ERI2: variants seen among roughly 807,000 people sequenced by gnomAD.
The protein encoded by ERI2 is ERI1 exoribonuclease family member 2.
A neutral mutation model predicts 46.8 loss-of-function variants in ERI2; 35 were observed. The ratio of observed to expected loss-of-function variants is 0.75; its 90% CI spans 0.57 to 0.99. The LOEUF (loss-of-function observed/expected upper bound fraction) is 0.99, where lower values mean the gene tolerates loss of function less well. Among genes scored for constraint, ERI2 ranks in the 50% least tolerant of loss-of-function variants. ERI2 has a pLI of 0.00. For synonymous variants in ERI2, 224 were observed against 271.0 expected (o/e 0.83, Z 1.70); for missense variants, 695 against 796.2 (o/e 0.87, Z 1.53).
intron 1 of ERI2, among the ~76,000 whole-genome samples, chr16:20,805,210 G>A (rs541342731): frequency 2.0e-5 from 3 of 152,238 alleles, no homozygotes; most frequent in East Asian, 3.9e-4. Flanking sequence ...TGGATCACCT[G>A]AGGTCGGGAG....
chr16:20,791,356 ATTTAC>A (rs1396339774), downstream of ERI2, among the ~76,000 whole-genome samples: 1 of 152,170 alleles, frequency 6.6e-6, no homozygotes, highest in African/African-American at 2.4e-5. Flanking sequence ...ACTCTTGAGT[ATTTAC>A]TTCTCTCTTT....
chr16:20,786,481 G>A (rs1397599747), intron 10 of ERI2, among the ~76,000 whole-genome samples: 1 of 152,202 alleles, frequency 6.6e-6, no homozygotes, highest in Non-Finnish European at 1.5e-5. Flanking sequence ...AGGAGTTCAA[G>A]ACCAGCCTGG....
At chr16:20,792,168 C>A (rs1158596406), downstream of ERI2, 2 of 1,613,928 alleles carry the variant, frequency 1.2e-6, no homozygotes, top group Admixed American at 1.7e-5. Context: ...TCTGTGTTAA[C>A]TGATCATCAG....
Position 20,798,913 on chromosome 16 carries a change from T to C in ERI2, c.887A>G (p.Lys296Arg). ...TATAGGAGAATTTGCACAAATTGAC[T>C]TCATTTGAACTTTTTCATGAGGATT... Reference protein sequence around the residue: ...IINPHEKVQMKSICANSPIKA... With the variant: ...IINPHEKVQMRSICANSPIKA... Residue 296 changes from lysine to arginine, a missense_variant, in exon 9 of 9, where the codon AAG becomes AGG. Coordinates refer to ENST00000357967, the MANE Select transcript of ERI2 (RefSeq NM_001142725.2). 5 of 1,551,142 alleles carry C rather than the reference T, an allele frequency of 3.2e-6. No homozygotes were observed. The highest frequency in any genetic ancestry group is 4.4e-6 in the Non-Finnish European group (5 of 1,146,802).
intron 5 of ERI2, chr16:20,800,731 A>C (rs1218743957): frequency 5.1e-6 from 1 of 196,832 alleles, no homozygotes; most frequent in Non-Finnish European, 1.0e-5. Context: ...TAGTAACTGG[A>C]AACCAAATAT....
intron 10 of ERI2, chr16:20,784,863 T>C (rs2080436185): frequency 2.8e-6 from 3 of 1,062,454 alleles, no homozygotes; most frequent in Admixed American, 5.6e-5. Flanking sequence ...TGTTTTGTGC[T>C]AGGGAGAGGA....
At chr16:20,792,550 A>T, downstream of ERI2, 3 of 985,446 alleles carry the variant, frequency 3.0e-6, no homozygotes, top group Non-Finnish European at 3.6e-6. Flanking sequence ...AAGGCTGAAA[A>T]TACGTACTAG....
chr16:20,802,916 A>G lies in ERI2; in HGVS notation c.183T>C (p.Phe61=). The G allele has an allele frequency of 6.3e-7, 1 of 1,583,050 alleles. No homozygotes were observed. The change falls in exon 4 of 9, where the codon TTT becomes TTC. Residue 61 remains phenylalanine (F), a synonymous_variant. Coordinates refer to ENST00000357967, the MANE Select transcript of ERI2 (RefSeq NM_001142725.2). ...TTGATGTGTTCAGCAACACTGCTGG[A>G]AACTCAACTAAATGAAAGAATAATC... ...KHHHSQEIIE[F]PAVLLNTSTG... is the part of the protein sequence containing the mutation.
chr16:20,796,722 C>A lies in ERI2; in HGVS notation c.*1002G>T. On this transcript the variant is annotated 3_prime_UTR_variant, in exon 9 of 9. Transcript: ENST00000357967. ...CAGTAAATACTTAATATCAAGACAACTTTCCTAACAATACCCTTTTCCCTA... is the reference window on the plus strand; with the variant it reads ...CAGTAAATACTTAATATCAAGACAAATTTCCTAACAATACCCTTTTCCCTA... 2 of 1,489,928 alleles carry A rather than the reference C, an allele frequency of 1.3e-6. No homozygotes were observed. The highest frequency in any genetic ancestry group is 1.4e-5 in the African/African-American group (1 of 70,136). 92.3% of individuals were successfully genotyped at this position (1,489,928 alleles called of 1,614,324 possible).
In ERI2 at chr16:20,796,859, T is replaced by A. The variant is rs1410950220; in HGVS notation, c.*865A>T. On this transcript the variant is annotated 3_prime_UTR_variant, in exon 9 of 9. Transcript: ENST00000357967. ...TATGTAAAGATAAAAATTTCCAGGC[T>A]AATTTTCTTCCCCTTGATGCCAACA... is the stretch of plus-strand genomic sequence containing the variant. 1 of 1,608,304 alleles carries A rather than the reference T, an allele frequency of 6.2e-7. No homozygotes were observed. The highest frequency in any genetic ancestry group is 8.5e-7 in the Non-Finnish European group (1 of 1,178,480).
downstream of ERI2, chr16:20,792,069 T>C (rs573634081): frequency 6.2e-7 from 1 of 1,614,170 alleles, no homozygotes; most frequent in East Asian, 2.2e-5. Context: ...AGAGGATATA[T>C]GGATAAAGAT....
At chr16:20,789,879 G>T (rs1466344837) in intron 9 of ERI2, among the ~76,000 whole-genome samples, 1 of 151,652 alleles carries the variant, frequency 6.6e-6, no homozygotes, top group Non-Finnish European at 1.5e-5. Flanking sequence ...TCACCATGTT[G>T]CTCAGGCTGG....
Position 20,798,048 on chromosome 16 carries a change from T to C in ERI2, c.1752A>G (p.Gln584=). 1 of 1,551,738 alleles carries C rather than the reference T, an allele frequency of 6.4e-7. No individual in the cohort carries two copies. Among genetic ancestry groups the C allele is most frequent in the Non-Finnish European group, 8.7e-7 (1 of 1,146,940 alleles). ...PSILTSTVNL[Q]EPWKSGKMTP... ...TCATTTTCCCACTCTTCCATGGCTC[T>C]TGTAGGTTAACTGTAGAAGTTAATA... Residue 584 remains glutamine (Q), a synonymous_variant, in exon 9 of 9, where the codon CAA becomes CAG. Transcript: ENST00000357967.
downstream of ERI2, among the ~76,000 whole-genome samples, chr16:20,791,537 A>G (rs1596538668): frequency 1.3e-5 from 2 of 152,264 alleles, no homozygotes; most frequent in East Asian, 1.9e-4. Context: ...GGCTAGCTCC[A>G]TGCTGGAATT....
rs1463486830 is a variant in ERI2 at position 20,797,766 on chromosome 16, G to A, written c.2034C>T (p.Ser678=). The A allele has an allele frequency of 3.9e-6, 6 of 1,549,442 alleles. No individual in the cohort carries two copies. The highest frequency in any genetic ancestry group is 5.2e-6 in the Non-Finnish European group (6 of 1,146,352). Reference sequence around the variant, plus strand: ...GCCTGAGTCTCAAAGAATTTTTGGTGGAAATACTTAAATTTCTGTCACAAA... The same window carrying A: ...GCCTGAGTCTCAAAGAATTTTTGGTAGAAATACTTAAATTTCTGTCACAAA... The part of the protein sequence containing the change: ...SHICDRNLSI[S]TKNSLRLRPS... Residue 678 remains serine (S), a synonymous_variant, in exon 9 of 9, where the codon TCC becomes TCT. Coordinates refer to ENST00000357967, the MANE Select transcript of ERI2 (RefSeq NM_001142725.2).
rs762059435 is a variant in ERI2, at chr16:20,800,448, T to C, written c.461-46A>G. ...TAGAACAAAGTCAATGATGCCAGCA[T>C]TTTTTACTTATGCTGCCACCATTTA... On this transcript the variant is annotated intron_variant, in intron 5 of 8. Coordinates refer to ENST00000357967, the MANE Select transcript of ERI2 (RefSeq NM_001142725.2). 2.6e-6 allele frequency: 3 copies of C among 1,168,934 alleles called. No homozygotes were observed. In the South Asian group the frequency reaches 4.3e-5, roughly 17 times the overall value. 72.4% of individuals were successfully genotyped at this position (1,168,934 alleles called of 1,614,324 possible).
chr16:20,788,710 A>G (rs1337439770), intron 10 of ERI2, among the ~76,000 whole-genome samples: 1 of 152,204 alleles, frequency 6.6e-6, no homozygotes, highest in East Asian at 1.9e-4. Context: ...CCTATGAACA[A>G]TGAGGAACAT....
Position 20,802,661 on chromosome 16 carries a change from C to T in ERI2, c.303+135G>A, listed in dbSNP as rs890369889. On this transcript the variant is annotated intron_variant, in intron 4 of 8. Transcript: ENST00000357967. ...CTCCTGGCCTCAAGCAATTCTCGAA[C>T]ATCAGCCTGCAAAGTGCTGGGATTA... is the stretch of plus-strand genomic sequence containing the variant. The T allele has an allele frequency of 5.0e-5, 51 of 1,025,246 alleles. No individual in the cohort carries two copies. The East Asian group carries it at 7.3e-4, about 15-fold the overall frequency. The allele number at this position is 1,025,246 out of a possible 1,614,324, so 63.5% of individuals were successfully genotyped here. A position where few individuals can be genotyped will look rare whatever the true frequency, so the allele number is the denominator to read the frequency against.
In ERI2 at chr16:20,790,362, A is replaced by C. The variant is rs1198980330; in HGVS notation, c.815+488T>G. ...ATACTTGGGAAGCTGAGGTGTGAGG[A>C]CTGTTTGAGACCAGAAGTTTGACGC... On this transcript the variant is annotated intron_variant, in intron 9 of 10. Coordinates refer to the ERI2 transcript ENST00000300005. This position sits in a 1 kb window ranked among gnomAD's most constrained non-coding sequence, Gnocchi z 4.0. 6.6e-6 allele frequency among the ~76,000 whole-genome samples: 1 copy of C among 152,152 alleles called. No homozygotes were observed. The highest frequency in any genetic ancestry group is 1.5e-5 in the Non-Finnish European group (1 of 68,036).
Sources: allele counts gnomAD v4.1 joint callset (sites outside exome capture counted in the v4.1 genomes callset), GRCh38; gene constraint gnomAD v4.1.1; non-coding constraint Gnocchi (gnomAD v3.1); transcripts MANE v1.5; gene names NCBI Gene and HGNC (gene_info 2026-07-23, HGNC 2026-07-21).